The following WDR26 variants were observed in gnomAD, a reference collection of about 807,000 sequenced individuals.
WDR26 encodes WD repeat-containing protein 26.
Under a neutral mutation model 84.1 loss-of-function variants are expected in WDR26, and 5 were observed. That is an observed-to-expected ratio of 0.06 (90% confidence interval 0.03 to 0.13). The LOEUF is 0.13. Ranked by LOEUF, WDR26 falls within the 10% of genes least tolerant of loss-of-function variation. The pLI is 1.00. For missense variants in WDR26, 642 were observed against 974.9 expected (o/e 0.66, Z 4.55); for synonymous variants, 415 against 389.6 (o/e 1.07, Z -0.77).
At chr1:224,393,034 A>G (rs1673169451) in intron 13 of WDR26, among the ~76,000 whole-genome samples, 1 of 152,196 alleles carries the variant, frequency 6.6e-6, no homozygotes, top group Non-Finnish European at 1.5e-5. Context: ...GTTTCTCATT[A>G]TCTCTTTGCT....
At chr1:224,433,230 T>C (rs1447087509) in intron 1 of WDR26, among the ~76,000 whole-genome samples, 1 of 152,048 alleles carries the variant, frequency 6.6e-6, no homozygotes, top group Non-Finnish European at 1.5e-5. Flanking sequence ...CGGTTGGGGG[T>C]GGGGAGGTGT....
chr1:224,423,789 T>C (rs1028901268), intron 4 of WDR26, among the ~76,000 whole-genome samples: 1 of 152,166 alleles, frequency 6.6e-6, no homozygotes, highest in African/African-American at 2.4e-5. Flanking sequence ...GATATACATA[T>C]TGGGAGTTCA....
intron 6 of WDR26, among the ~76,000 whole-genome samples, chr1:224,412,704 T>C (rs1409913030): frequency 6.6e-6 from 1 of 152,354 alleles, no homozygotes. Context: ...GCTATATACC[T>C]GTGTTATCTA....
chr1:224,400,462 GA>G (rs11357603), intron 9 of WDR26, among the ~76,000 whole-genome samples: 148,447 of 152,264 alleles, frequency 0.97, 72,471 homozygotes, highest in East Asian at 1. Flanking sequence ...TAAAAGAAAG[GA>G]AAAAAATGAC....
At chr1:224,413,946 A>G (rs529916462) in intron 6 of WDR26, among the ~76,000 whole-genome samples, 3 of 152,050 alleles carry the variant, frequency 2.0e-5, no homozygotes, top group Non-Finnish European at 4.4e-5. Flanking sequence ...AGCAGCTGGG[A>G]TTACAGGTGC....
chr1:224,409,519 A>C (rs1394569736), intron 7 of WDR26, among the ~76,000 whole-genome samples: 1 of 152,214 alleles, frequency 6.6e-6, no homozygotes, highest in African/African-American at 2.4e-5. Context: ...TGTAGCATAC[A>C]TAGGTATGCA....
Position 224,434,750 on chromosome 1 carries a change from C to A in WDR26, c.-345G>T, listed in dbSNP as rs1237208144. 2 of 987,036 alleles carry A rather than the reference C, an allele frequency of 2.0e-6. No individual in the cohort carries two copies. The highest frequency in any genetic ancestry group is 3.5e-5 in the African/African-American group (2 of 57,126). The allele number at this position is 987,036 out of a possible 1,614,324, so 61.1% of individuals were successfully genotyped here. A position where few individuals can be genotyped will look rare whatever the true frequency, so the allele number is the denominator to read the frequency against. On this transcript the variant is annotated 5_prime_UTR_variant, in exon 1 of 14. Transcript: ENST00000414423. Reference sequence around the variant, plus strand: ...TGCCGCCTCTGTCCTCGGATCCGCTCCGCTCTGCTCCCTGGTGTGTTGATT... The same window carrying A: ...TGCCGCCTCTGTCCTCGGATCCGCTACGCTCTGCTCCCTGGTGTGTTGATT...
intron 7 of WDR26, among the ~76,000 whole-genome samples, chr1:224,409,088 G>T (rs1026096420): frequency 2.0e-5 from 3 of 152,020 alleles, no homozygotes; most frequent in African/African-American, 7.2e-5. Flanking sequence ...TAGTATACTA[G>T]CTAGTATACT....
chr1:224,402,286 C>T (rs1673440342), intron 8 of WDR26, among the ~76,000 whole-genome samples: 2 of 152,172 alleles, frequency 1.3e-5, no homozygotes, highest in African/African-American at 4.8e-5. Flanking sequence ...CTACTCTCCC[C>T]TATTTACTCT....
intron 12 of WDR26, among the ~76,000 whole-genome samples, chr1:224,395,715 T>C (rs192763888): frequency 6.6e-6 from 1 of 152,314 alleles, no homozygotes; most frequent in East Asian, 1.9e-4. Flanking sequence ...ATTGAATATT[T>C]CTCTATTTGG....
intron 13 of WDR26, among the ~76,000 whole-genome samples, chr1:224,393,254 T>C (rs1673173876): frequency 1.3e-5 from 2 of 152,188 alleles, no homozygotes; most frequent in Admixed American, 6.5e-5. Flanking sequence ...ACTTCCCTTA[T>C]AGGACTATGA....
chr1:224,403,740 T>C (rs1673481185), intron 8 of WDR26, among the ~76,000 whole-genome samples: 1 of 152,178 alleles, frequency 6.6e-6, no homozygotes, highest in African/African-American at 2.4e-5. Flanking sequence ...AGTTCGAGAC[T>C]AGCCTGGCCA....
At chr1:224,392,165 T>G (rs1673146082) in intron 13 of WDR26, among the ~76,000 whole-genome samples, 1 of 152,042 alleles carries the variant, frequency 6.6e-6, no homozygotes, top group Admixed American at 6.6e-5. Context: ...ATCGAGACCA[T>G]CCTGGCTAAC....
chr1:224,401,117 A>C, intron 8 of WDR26, 48 bp from the exon 9 acceptor site: 1 of 1,561,814 alleles, frequency 6.4e-7, no homozygotes, highest in Non-Finnish European at 8.7e-7. Context: ...TACCCCTCTA[A>C]AGGAATTATG....
intron 7 of WDR26, 152 bp from the exon 8 acceptor site, chr1:224,404,722 A>G: frequency 1.2e-6 from 1 of 842,398 alleles, no homozygotes; most frequent in Non-Finnish European, 1.8e-6. Flanking sequence ...TGCTTCATAA[A>G]GACTCATTCA....
At chr1:224,416,310 C>T (rs1309858401) in intron 6 of WDR26, among the ~76,000 whole-genome samples, 7 of 151,978 alleles carry the variant, frequency 4.6e-5, no homozygotes, top group African/African-American at 1.7e-4. Flanking sequence ...TCATTGCAAG[C>T]TCCGCCTCCT....
In WDR26 at chr1:224,411,489, C is replaced by T. The variant is rs777322811; in HGVS notation, c.1396G>A (p.Asp466Asn). ...GATCCTGTTGCTAGTTTAGTGCCAT[C>T]ATTAGAGAATTTACAGAACCACACT... The change falls in exon 7 of 14, where the codon GAT (aspartate) becomes AAT (asparagine). Residue 466 changes from aspartate to asparagine, a missense_variant. Asp to Asn is a conservative substitution (Grantham distance 23). Transcript: ENST00000414423. The T allele has an allele frequency of 1.9e-6, 3 of 1,613,538 alleles. No homozygotes were observed. The highest frequency in any genetic ancestry group is 2.5e-6 in the Non-Finnish European group (3 of 1,179,774).
chr1:224,434,217 G>GGAA lies in WDR26; in HGVS notation c.188_189insTTC (p.Ser67dup). On this transcript the variant is annotated inframe_insertion, in exon 1 of 14. Coordinates refer to ENST00000414423, the MANE Select transcript of WDR26 (RefSeq NM_001379403.1). ...CCACTACCACCACGGAGGAGGAGGA[G>GGAA]GAGGAGGAGGACGAGGACGACGAGG... 1 of 1,398,442 alleles carries GGAA rather than the reference G, an allele frequency of 7.2e-7. No homozygotes were observed. Among genetic ancestry groups the GGAA allele is most frequent in the African/African-American group, 1.5e-5 (1 of 67,938 alleles). The allele number at this position is 1,398,442 out of a possible 1,614,324, so 86.6% of individuals were successfully genotyped here. A position where few individuals can be genotyped will look rare whatever the true frequency, so the allele number is the denominator to read the frequency against.
intron 4 of WDR26, 26 bp from the exon 5 acceptor site, chr1:224,419,641 C>T (rs1374119766): frequency 1.3e-6 from 2 of 1,524,908 alleles, no homozygotes; most frequent in East Asian, 4.5e-5. Flanking sequence ...AGAAAGCAAC[C>T]AATATTAAAC....
Sources: gnomAD v4.1 joint callset for allele counts (sites outside exome capture counted in the v4.1 genomes callset) on GRCh38, gnomAD v4.1.1 for gene constraint, MANE v1.5 for transcripts, NCBI Gene and HGNC (gene_info 2026-07-23, HGNC 2026-07-21) for gene names.